CNTN5: variants seen among roughly 807,000 people sequenced by gnomAD.
CNTN5 encodes contactin-5.
In CNTN5, 77 loss-of-function variants were observed where a neutral mutation model predicts 129.1. That is an observed-to-expected ratio of 0.60 (90% CI 0.50 to 0.72). The LOEUF is 0.72. Ranked by LOEUF, CNTN5 falls within the 30% of genes least tolerant of loss-of-function variation. The pLI is 0.00. For synonymous variants in CNTN5, 509 were observed against 465.6 expected (o/e 1.09, Z -1.20); for missense variants, 1,478 against 1,328.8 (o/e 1.11, Z -1.75).
intron 4 of CNTN5, among the ~76,000 whole-genome samples, chr11:99,843,939 C>T (rs189346044): frequency 5.9e-5 from 9 of 152,332 alleles, no homozygotes; most frequent in South Asian, 2.1e-4. Context: ...TGAATGCTTA[C>T]GTAACTGTGG....
chr11:100,072,651 C>T (rs1943968393), intron 12 of CNTN5, among the ~76,000 whole-genome samples: 1 of 152,122 alleles, frequency 6.6e-6, no homozygotes, highest in Non-Finnish European at 1.5e-5. Flanking sequence ...TTAAGAGAAA[C>T]ACCAAAGATC....
rs76033757 is a variant in CNTN5, at chr11:99,804,960, G to C, written c.56-14584G>C. On this transcript the variant is annotated intron_variant, in intron 3 of 24. Coordinates refer to ENST00000524871, the MANE Select transcript of CNTN5 (RefSeq NM_014361.4). Reference sequence around the variant, plus strand: ...TATAACAGGATTAGAAAAATAGCAAGTTCAAAGGCTGAAAACAAAACATGG... The same window carrying C: ...TATAACAGGATTAGAAAAATAGCAACTTCAAAGGCTGAAAACAAAACATGG... Among the ~76,000 whole-genome samples the C allele has an allele frequency of 4.7e-3, 709 of 151,852 alleles. 9 individuals are homozygous for C. The highest frequency in any genetic ancestry group is 0.014 in the African/African-American group (566 of 41,448).
intron 1 of CNTN5, among the ~76,000 whole-genome samples, chr11:99,231,850 T>C (rs61893094): frequency 0.37 from 56,869 of 152,028 alleles, 10,962 homozygotes; most frequent in East Asian, 0.6. Context: ...GGGGTCCAAT[T>C]TGAATTTTCT....
In CNTN5 at chr11:100,246,080, A is replaced by G. The variant is rs1949834709; in HGVS notation, c.2006-9680A>G. On this transcript the variant is annotated intron_variant, in intron 16 of 24. Coordinates refer to ENST00000524871, the MANE Select transcript of CNTN5 (RefSeq NM_014361.4). ...TTTTTGAATGTTTCACATATTTTCT[A>G]TTTTGCTAAAATCAAATGTGATACA... 3.3e-5 allele frequency among the ~76,000 whole-genome samples: 5 copies of G among 152,140 alleles called. 1 individual carries two copies. The South Asian group carries it at 1.0e-3, about 32-fold the overall frequency.
chr11:99,231,471 C>A (rs569107481), intron 1 of CNTN5, among the ~76,000 whole-genome samples: 65 of 152,174 alleles, frequency 4.3e-4, no homozygotes, highest in African/African-American at 1.5e-3. Context: ...CTGTCCGTGT[C>A]CTTTGCCCAC....
intron 13 of CNTN5, among the ~76,000 whole-genome samples, chr11:100,148,616 G>A (rs936289473): frequency 6.6e-6 from 1 of 152,124 alleles, no homozygotes; most frequent in African/African-American, 2.4e-5. Context: ...GGCCTCTTTG[G>A]TGTACTGGAC....
intron 3 of CNTN5, among the ~76,000 whole-genome samples, chr11:99,658,645 G>C (rs1952471879): frequency 6.7e-6 from 1 of 148,656 alleles, no homozygotes; most frequent in African/African-American, 2.4e-5. Context: ...GCTGAGACAG[G>C]TGGATCACCT....
intron 3 of CNTN5, among the ~76,000 whole-genome samples, chr11:99,615,164 A>C (rs1950722113): frequency 6.6e-6 from 1 of 151,176 alleles, no homozygotes; most frequent in Non-Finnish European, 1.5e-5. Context: ...TACCAAGATT[A>C]ATTATTTGAT....
chr11:100,172,987 G>T (rs1947867548), intron 13 of CNTN5, among the ~76,000 whole-genome samples: 3 of 152,034 alleles, frequency 2.0e-5, no homozygotes, highest in Non-Finnish European at 4.4e-5. Context: ...TAACATAGAT[G>T]AATCCTGATG....
intron 4 of CNTN5, among the ~76,000 whole-genome samples, chr11:99,831,829 A>G (rs1440079659): frequency 3.3e-5 from 5 of 152,174 alleles, no homozygotes; most frequent in African/African-American, 1.2e-4. Context: ...TGAGGCACCT[A>G]CCTACTAAGG....
At chr11:99,169,038 T>A in intron 1 of CNTN5, among the ~76,000 whole-genome samples, 1 of 152,240 alleles carries the variant, frequency 6.6e-6, no homozygotes. Context: ...AAGAGCTTTA[T>A]GAACTGTACA....
At chr11:99,056,404 G>C (rs1053026454) in intron 1 of CNTN5, among the ~76,000 whole-genome samples, 1 of 151,904 alleles carries the variant, frequency 6.6e-6, no homozygotes, top group Non-Finnish European at 1.5e-5. Context: ...AAAACTAAGG[G>C]TGGGTCAAGG....
At chr11:100,067,306 G>C (rs553373246) in intron 10 of CNTN5, among the ~76,000 whole-genome samples, 62 of 152,130 alleles carry the variant, frequency 4.1e-4, no homozygotes, top group African/African-American at 1.5e-3. Flanking sequence ...GTGTGTGTCT[G>C]TGTGCATGTT....
At chr11:100,333,541 T>TAAGGCC (rs1474033473) in intron 21 of CNTN5, among the ~76,000 whole-genome samples, 1 of 151,154 alleles carries the variant, frequency 6.6e-6, no homozygotes, top group Admixed American at 6.6e-5. Flanking sequence ...AACTATTCTA[T>TAAGGCC]AAGGCCATCA....
chr11:99,153,086 G>A (rs1009150893), intron 1 of CNTN5, among the ~76,000 whole-genome samples: 1 of 152,064 alleles, frequency 6.6e-6, no homozygotes, highest in Non-Finnish European at 1.5e-5. Flanking sequence ...TTCTTCTTTT[G>A]TTTTGACATT....
At chr11:99,750,437 T>C (rs963902675) in intron 3 of CNTN5, among the ~76,000 whole-genome samples, 1 of 152,104 alleles carries the variant, frequency 6.6e-6, no homozygotes, top group Non-Finnish European at 1.5e-5. Flanking sequence ...CTACATCAGA[T>C]TGATATATCT....
intron 3 of CNTN5, among the ~76,000 whole-genome samples, chr11:99,766,210 A>G (rs986102280): frequency 1.3e-5 from 2 of 152,094 alleles, no homozygotes; most frequent in African/African-American, 2.4e-5. Context: ...TTCAAAAGGT[A>G]TTTCTGGAAG....
chr11:100,338,826 T>C (rs1482271416), intron 21 of CNTN5, among the ~76,000 whole-genome samples: 1 of 151,286 alleles, frequency 6.6e-6, no homozygotes. Flanking sequence ...CCAGAGGGAA[T>C]GTTAACAGTG....
intron 1 of CNTN5, among the ~76,000 whole-genome samples, chr11:99,231,984 C>T (rs1453363896): frequency 6.6e-6 from 1 of 152,036 alleles, no homozygotes; most frequent in Admixed American, 6.6e-5. Context: ...TTTCCGAGTT[C>T]TCTATTTTGT....
Sources: gnomAD v4.1 joint callset for allele counts (sites outside exome capture counted in the v4.1 genomes callset) on GRCh38, gnomAD v4.1.1 for gene constraint, MANE v1.5 for transcripts, NCBI Gene and HGNC (gene_info 2026-07-23, HGNC 2026-07-21) for gene names.